Variants in SORCS2 observed in about 807,000 individuals in gnomAD.
The protein encoded by SORCS2 is sortilin related VPS10 domain containing receptor 2.
In SORCS2, 100 loss-of-function variants were observed where a neutral mutation model predicts 141.6. That is an observed-to-expected ratio of 0.71 (90% CI 0.60 to 0.83). SORCS2 has a LOEUF of 0.83. Among genes scored for constraint, SORCS2 ranks in the 40% least tolerant of loss-of-function variants. SORCS2 has a pLI of 0.00. For missense variants in SORCS2, 1,646 were observed against 1,560.2 expected, an observed-to-expected ratio of 1.05 and a Z score of -0.93; for synonymous variants, 789 against 676.9, an observed-to-expected ratio of 1.17 and a Z score of -2.57.
At chr4:7,531,368 T>C (rs1350854184) in intron 2 of SORCS2, among the ~76,000 whole-genome samples, 162 bp from the exon 3 acceptor site, 1 of 152,218 alleles carries the variant, frequency 6.6e-6, no homozygotes, top group Non-Finnish European at 1.5e-5. Flanking sequence ...TCTCCTGCCT[T>C]GTCGGCATAC....
rs528782033 is a variant in SORCS2 at position 7,201,040 on chromosome 4, C to T, written c.480+7914C>T. On this transcript the variant is annotated intron_variant, in intron 1 of 26. Coordinates refer to ENST00000507866, the MANE Select transcript of SORCS2 (RefSeq NM_020777.3). This position sits in a 1 kb window ranked among gnomAD's most constrained non-coding sequence, Gnocchi z 4.4. Reference sequence around the variant, plus strand: ...GGCCAAGTCAAACTTGGCCCCTGCGCGGGTGAAATGTTTGGTCTGGACAGG... The same window carrying T: ...GGCCAAGTCAAACTTGGCCCCTGCGTGGGTGAAATGTTTGGTCTGGACAGG... 3.9e-5 allele frequency among the ~76,000 whole-genome samples: 6 copies of T among 152,068 alleles called. No individual in the cohort carries two copies. Among genetic ancestry groups the T allele is most frequent in the Middle Eastern group, 3.2e-3 (1 of 316 alleles).
At position 7,707,740 on chromosome 4, in the gene SORCS2, G is replaced by C. The variant is rs146017558; in HGVS notation, c.1868+3456G>C. 8.6e-3 allele frequency among the ~76,000 whole-genome samples: 1,311 copies of C among 152,350 alleles called. 13 individuals are homozygous for C. The highest frequency in any genetic ancestry group is 0.034 in the Middle Eastern group (10 of 294). ...ACCAGGCATGGAAGAGGCGCTTGAT[G>C]CTCAGTGAATGTGGCTTGAATAAAT... is the stretch of plus-strand genomic sequence containing the variant. On this transcript the variant is annotated intron_variant, in intron 14 of 26. Transcript: ENST00000507866.
chr4:7,405,044 T>C (rs1432378111), intron 2 of SORCS2, among the ~76,000 whole-genome samples: 1 of 152,082 alleles, frequency 6.6e-6, no homozygotes, highest in African/African-American at 2.4e-5. Context: ...TGGTGAGAGA[T>C]AGGGGTCCGT....
intron 1 of SORCS2, among the ~76,000 whole-genome samples, chr4:7,220,898 A>T (rs1000344480): frequency 1.3e-5 from 2 of 152,236 alleles, no homozygotes; most frequent in African/African-American, 4.8e-5. Context: ...TAGAAAGAAC[A>T]TGATTAATTA....
rs1220242630 is a variant in SORCS2 at position 7,403,985 on chromosome 4, ATATATATATATATTTTTT to A, written c.548+7632_548+7649del. Among the ~76,000 whole-genome samples, 16 of 70,100 alleles carry A rather than the reference ATATATATATATATTTTTT, an allele frequency of 2.3e-4. 1 individual carries two copies. Among genetic ancestry groups the A allele is most frequent in the African/African-American group, 1.2e-3 (16 of 13,334 alleles). 46.0% of individuals were successfully genotyped at this position (70,100 alleles called of 152,430 possible). On this transcript the variant is annotated intron_variant, in intron 2 of 26. Coordinates refer to ENST00000507866, the MANE Select transcript of SORCS2 (RefSeq NM_020777.3). Reference sequence around the variant, plus strand: ...TGTATATATATATATATATATATATATATATATATATATTTTTTTTTTTTTTTTAGTATCCATTTATGA... The same window carrying A: ...TGTATATATATATATATATATATATATTTTTTTTTTAGTATCCATTTATGA...
chr4:7,393,642 C>G (rs1045279852), intron 1 of SORCS2, among the ~76,000 whole-genome samples: 3 of 152,034 alleles, frequency 2.0e-5, no homozygotes, highest in African/African-American at 7.2e-5. Flanking sequence ...CTCCTGGGGG[C>G]ATGGGGGCAG....
chr4:7,332,169 A>G (rs2108968829), intron 1 of SORCS2, among the ~76,000 whole-genome samples: 1 of 152,322 alleles, frequency 6.6e-6, no homozygotes, highest in South Asian at 2.1e-4. Flanking sequence ...TTGCTCCTTC[A>G]GTGCCAGGAG....
At chr4:7,518,458 GT>G (rs1295144142) in intron 2 of SORCS2, among the ~76,000 whole-genome samples, 1 of 152,222 alleles carries the variant, frequency 6.6e-6, no homozygotes, top group African/African-American at 2.4e-5. Flanking sequence ...GGGTGCAAAA[GT>G]TCTTTTGCTG....
rs552440467 is a variant in SORCS2 at position 7,242,349 on chromosome 4, C to T, written c.480+49223C>T. 2.2e-4 allele frequency among the ~76,000 whole-genome samples: 33 copies of T among 152,098 alleles called. No individual in the cohort carries two copies. The Middle Eastern group carries it at 0.01, about 47-fold the overall frequency. ...AGCTGCAACTACAGGCATGCACCAC[C>T]ACGCCTGGATGATTTTTTTTTTAAA... is the stretch of plus-strand genomic sequence containing the variant. On this transcript the variant is annotated intron_variant, in intron 1 of 26. Coordinates refer to ENST00000507866, the MANE Select transcript of SORCS2 (RefSeq NM_020777.3).
intron 1 of SORCS2, among the ~76,000 whole-genome samples, chr4:7,324,449 G>T (rs1295595461): frequency 6.6e-6 from 1 of 152,212 alleles, no homozygotes; most frequent in Non-Finnish European, 1.5e-5. Context: ...ACCGTCTGCC[G>T]GCGTCACCAT....
chr4:7,300,321 G>C (rs531525140), intron 1 of SORCS2, among the ~76,000 whole-genome samples: 1 of 152,088 alleles, frequency 6.6e-6, no homozygotes, highest in African/African-American at 2.4e-5. Context: ...GGCGGAGGGT[G>C]GGGGGTACTT....
Position 7,726,890 on chromosome 4 carries a change from C to G in SORCS2, c.2856C>G (p.Val952=). Residue 952 remains valine, a synonymous_variant, in exon 21 of 27, where the codon GTC becomes GTG. Coordinates refer to ENST00000507866, the MANE Select transcript of SORCS2 (RefSeq NM_020777.3). ...CGNSVLQDSR[V]LRVLDQFQVM... ...ACTCGGTGCTGCAGGACTCCAGGGT[C>G]CTCCGTGTGCTGGGTAAGTACTTCC... The G allele has an allele frequency of 6.2e-7, 1 of 1,613,348 alleles. No individual in the cohort carries two copies. The highest frequency in any genetic ancestry group is 8.5e-7 in the Non-Finnish European group (1 of 1,179,496).
At chr4:7,738,352 A>T (rs1712368584) in intron 26 of SORCS2, among the ~76,000 whole-genome samples, 1 of 152,236 alleles carries the variant, frequency 6.6e-6, no homozygotes, top group South Asian at 2.1e-4. Flanking sequence ...CCGAGGAGGC[A>T]GGCTCTTCCC....
chr4:7,736,637 C>A (rs184023271), intron 25 of SORCS2, among the ~76,000 whole-genome samples: 1 of 152,298 alleles, frequency 6.6e-6, no homozygotes. Context: ...CCCAGGACGC[C>A]TGGATGGGGC....
intron 14 of SORCS2, among the ~76,000 whole-genome samples, chr4:7,710,779 G>A (rs1031755359): frequency 1.1e-4 from 17 of 152,346 alleles, no homozygotes; most frequent in African/African-American, 3.8e-4. Context: ...GCGGACGGAC[G>A]CGGCAGAGTC....
chr4:7,426,121 T>A (rs1355456165), intron 2 of SORCS2, among the ~76,000 whole-genome samples: 2 of 152,210 alleles, frequency 1.3e-5, no homozygotes, highest in South Asian at 2.1e-4. Flanking sequence ...CCGAAACAGA[T>A]GCACTCACAA....
chr4:7,656,510 C>T (rs1721789178), intron 5 of SORCS2, among the ~76,000 whole-genome samples: 1 of 152,202 alleles, frequency 6.6e-6, no homozygotes, highest in Non-Finnish European at 1.5e-5. Context: ...TTCTAGGTCT[C>T]ATGTCACAGG....
At chr4:7,564,617 A>C (rs4263405) in intron 3 of SORCS2, among the ~76,000 whole-genome samples, 148,407 of 152,306 alleles carry the variant, frequency 0.97, 72,426 homozygotes, top group East Asian at 1. Context: ...GAAGGCAGCT[A>C]TGGGAGCGAT....
At chr4:7,476,108 C>T (rs1730275339) in intron 2 of SORCS2, among the ~76,000 whole-genome samples, 1 of 152,200 alleles carries the variant, frequency 6.6e-6, no homozygotes, top group Non-Finnish European at 1.5e-5. Context: ...CTGGTGGGCT[C>T]AGCCATGTGC....
Sources: gnomAD v4.1 joint callset for allele counts (sites outside exome capture counted in the v4.1 genomes callset) on GRCh38, gnomAD v4.1.1 for gene constraint, Gnocchi (gnomAD v3.1) non-coding constraint, MANE v1.5 for transcripts, NCBI Gene and HGNC (gene_info 2026-07-23, HGNC 2026-07-21) for gene names.